Variants in RILPL1 observed in about 807,000 individuals in gnomAD.
The protein encoded by RILPL1 is Rab interacting lysosomal protein like 1, also known as RILP-like protein 1.
A neutral mutation model predicts 50.3 loss-of-function variants in RILPL1; 33 were observed. The observed-to-expected ratio is 0.66, with a 90% CI of 0.50 to 0.88. The LOEUF is 0.88. RILPL1 is among the 40% of genes least tolerant of loss of function. The probability of loss-of-function intolerance (pLI) is 0.00; values close to 1 mark genes in which losing one functional copy is unlikely to be tolerated. For missense variants in RILPL1, 418 were observed against 542.5 expected, an observed-to-expected ratio of 0.77 and a Z score of 2.28; for synonymous variants, 205 against 228.6, an observed-to-expected ratio of 0.90 and a Z score of 0.93.
intron 1 of RILPL1, among the ~76,000 whole-genome samples, chr12:123,526,621 G>A (rs559118651): frequency 1.3e-5 from 2 of 152,332 alleles, no homozygotes; most frequent in Admixed American, 6.5e-5. Context: ...CCAGGTGGCC[G>A]GATGCTAGGC....
chr12:123,513,527 T>C, intron 2 of RILPL1: 1 of 207,580 alleles, frequency 4.8e-6, no homozygotes, highest in African/African-American at 2.3e-5. Context: ...GCCTGACTCC[T>C]ATCCCAGCTT....
chr12:123,532,204 A>G (rs1885460082), intron 1 of RILPL1, among the ~76,000 whole-genome samples: 1 of 152,212 alleles, frequency 6.6e-6, no homozygotes, highest in African/African-American at 2.4e-5. Flanking sequence ...TGATCCCTCA[A>G]GGAAAGGTGT....
rs138712056 is a variant in RILPL1 at position 123,472,408 on chromosome 12, TGTTTGAGGGGTCA to T, written c.*117_*129del. The T allele has an allele frequency of 4.8e-5, 44 of 926,128 alleles. No homozygotes were observed. In the African/African-American group the frequency reaches 6.8e-4, roughly 14 times the overall value. The allele number at this position is 926,128 out of a possible 1,614,324, so 57.4% of individuals were successfully genotyped here. A position where few individuals can be genotyped will look rare whatever the true frequency, so the allele number is the denominator to read the frequency against. Reference sequence around the variant, plus strand: ...ATGTCCATCCTCAAATCAGACAGTCTGTTTGAGGGGTCAGTTTTCAGGGTGCATCTGCACCGAG... The same window carrying T: ...ATGTCCATCCTCAAATCAGACAGTCTGTTTTCAGGGTGCATCTGCACCGAG... On this transcript the variant is annotated 3_prime_UTR_variant, in exon 7 of 7. Coordinates refer to ENST00000376874, the MANE Select transcript of RILPL1 (RefSeq NM_178314.5).
At chr12:123,506,314 C>T (rs533914627) in intron 2 of RILPL1, among the ~76,000 whole-genome samples, 13 of 152,266 alleles carry the variant, frequency 8.5e-5, no homozygotes, top group Admixed American at 2.0e-4. Context: ...GGGTGATGCA[C>T]GCATGAGCTA....
intron 2 of RILPL1, chr12:123,519,357 C>G (rs1884895045): frequency 6.6e-6 from 1 of 152,250 alleles, no homozygotes; most frequent in South Asian, 2.1e-4. Flanking sequence ...GCGCGCTGCC[C>G]TCCAGCTGAC....
At chr12:123,527,948 A>G (rs1885317468) in intron 1 of RILPL1, among the ~76,000 whole-genome samples, 1 of 152,172 alleles carries the variant, frequency 6.6e-6, no homozygotes, top group Non-Finnish European at 1.5e-5. Flanking sequence ...ACTCAGTGAG[A>G]GCCATTTCCG....
At chr12:123,506,710 T>A (rs1334897794) in intron 2 of RILPL1, among the ~76,000 whole-genome samples, 6 of 152,218 alleles carry the variant, frequency 3.9e-5, no homozygotes, top group African/African-American at 1.4e-4. Context: ...TATTCACTCA[T>A]CTGCAAAATG....
At chr12:123,513,672 C>G (rs1165617846) in intron 2 of RILPL1, 3 of 152,820 alleles carry the variant, frequency 2.0e-5, no homozygotes, top group African/African-American at 7.2e-5. Context: ...TACGGAAAGA[C>G]CAGGCCTCCC....
chr12:123,521,517 T>TTA (rs1369198109), intron 2 of RILPL1, among the ~76,000 whole-genome samples: 85 of 143,478 alleles, frequency 5.9e-4, no homozygotes, highest in Middle Eastern at 3.6e-3. Context: ...TTTTATAAAT[T>TTA]TATATATATA....
chr12:123,480,795 C>G lies in RILPL1; in HGVS notation c.1067+3385G>C, dbSNP rs202076168. On this transcript the variant is annotated intron_variant, in intron 6 of 6. Transcript: ENST00000376874. ...CTTCCTCCTCCCAACGTGAGGCTACCGTGGGCACCCCGTATTTCTGTCTAT... is the reference window on the plus strand; with the variant it reads ...CTTCCTCCTCCCAACGTGAGGCTACGGTGGGCACCCCGTATTTCTGTCTAT... 2.0e-4 allele frequency among the ~76,000 whole-genome samples: 30 copies of G among 152,240 alleles called. No homozygotes were observed. In the East Asian group the frequency reaches 5.0e-3, roughly 25 times the overall value.
chr12:123,495,763 C>A (rs1298203872), intron 4 of RILPL1, among the ~76,000 whole-genome samples: 1 of 149,444 alleles, frequency 6.7e-6, no homozygotes, highest in Non-Finnish European at 1.5e-5. Context: ...TAACGGCAAC[C>A]TCCGCCTCCT....
At chr12:123,504,182 G>A (rs1237041866) in intron 2 of RILPL1, among the ~76,000 whole-genome samples, 1 of 152,160 alleles carries the variant, frequency 6.6e-6, no homozygotes, top group Non-Finnish European at 1.5e-5. Flanking sequence ...GGGCTGGCCT[G>A]CAATGGCCAG....
rs1881174476 is a variant in RILPL1, at chr12:123,471,178, C to T, written c.*1360G>A. 6.6e-6 allele frequency: 1 copy of T among 151,564 alleles called. No individual in the cohort carries two copies. 9.4% of individuals were successfully genotyped at this position (151,564 alleles called of 1,614,324 possible). A position where few individuals can be genotyped will look rare whatever the true frequency, so the allele number is the denominator to read the frequency against. ...CTCTGCCTCCTAGGTTCAAGGAATTCTCCTGTCTCGGCCTCCTGAGCAGCT... is the reference window on the plus strand; with the variant it reads ...CTCTGCCTCCTAGGTTCAAGGAATTTTCCTGTCTCGGCCTCCTGAGCAGCT... On this transcript the variant is annotated 3_prime_UTR_variant, in exon 7 of 7. Coordinates refer to ENST00000376874, the MANE Select transcript of RILPL1 (RefSeq NM_178314.5).
At chr12:123,529,587 T>G (rs1403008863) in intron 1 of RILPL1, among the ~76,000 whole-genome samples, 1 of 152,040 alleles carries the variant, frequency 6.6e-6, no homozygotes, top group Non-Finnish European at 1.5e-5. Context: ...TGAATTTTTT[T>G]TTTTTTTTTA....
intron 1 of RILPL1, among the ~76,000 whole-genome samples, chr12:123,525,425 T>C (rs1405235138): frequency 1.4e-5 from 2 of 141,706 alleles, no homozygotes; most frequent in African/African-American, 5.2e-5. Flanking sequence ...GCTGGCTGAG[T>C]GTGGTGGATC....
At chr12:123,494,330 G>A (rs1025919922) in intron 4 of RILPL1, among the ~76,000 whole-genome samples, 4 of 152,292 alleles carry the variant, frequency 2.6e-5, no homozygotes, top group Admixed American at 2.0e-4. Context: ...GGATAGATGC[G>A]AACCCAGCAA....
At chr12:123,493,489 GTC>G (rs924798060) in intron 4 of RILPL1, among the ~76,000 whole-genome samples, 23 of 152,066 alleles carry the variant, frequency 1.5e-4, no homozygotes, top group African/African-American at 5.3e-4. Context: ...TCTATACTTT[GTC>G]TCTGTGTCTT....
chr12:123,512,730 T>C (rs1376139534), intron 2 of RILPL1, among the ~76,000 whole-genome samples: 3 of 141,094 alleles, frequency 2.1e-5, no homozygotes, highest in Non-Finnish European at 3.1e-5. Context: ...GGTCTGTGTG[T>C]GGTGTGTGAA....
At chr12:123,512,458 ATG>A (rs1235023321) in intron 2 of RILPL1, among the ~76,000 whole-genome samples, 2 of 57,762 alleles carry the variant, frequency 3.5e-5, no homozygotes, top group Admixed American at 2.2e-4. Context: ...TGAGGTCTGT[ATG>A]TGTGTGTGAG....
Sources: allele counts gnomAD v4.1 joint callset (sites outside exome capture counted in the v4.1 genomes callset), GRCh38; gene constraint gnomAD v4.1.1; transcripts MANE v1.5; gene names NCBI Gene and HGNC (gene_info 2026-07-23, HGNC 2026-07-21).